ERCC6L2: variants seen among roughly 807,000 people sequenced by gnomAD.
ERCC6L2 encodes DNA excision repair protein ERCC-6-like 2.
A neutral mutation model predicts 132.0 loss-of-function variants in ERCC6L2; 77 were observed. That is an observed-to-expected ratio of 0.58 (90% CI 0.49 to 0.71). The LOEUF is 0.71. Among genes scored for constraint, ERCC6L2 ranks in the 30% least tolerant of loss-of-function variants. The pLI is 0.00. For synonymous variants in ERCC6L2, 583 were observed against 632.4 expected, an observed-to-expected ratio of 0.92 and a Z score of 1.17; for missense variants, 1,542 against 1,837.6, an observed-to-expected ratio of 0.84 and a Z score of 2.94.
At position 96,014,381 on chromosome 9, in the gene ERCC6L2, TAG is replaced by T. The variant is rs2133232422; in HGVS notation, c.*1181_*1182del. 2.0e-5 allele frequency: 3 copies of T among 152,352 alleles called. No homozygotes were observed. In the South Asian group the frequency reaches 6.2e-4, roughly 32 times the overall value. 9.4% of individuals were successfully genotyped at this position (152,352 alleles called of 1,614,324 possible). On this transcript the variant is annotated 3_prime_UTR_variant, in exon 19 of 19. Coordinates refer to ENST00000653738, the MANE Select transcript of ERCC6L2 (RefSeq NM_020207.7). ...AGAGGGCTTCCGTGTACTCAGGATGTAGAGTCATTGCTCAGAAGTGAACAAAA... is the reference window on the plus strand; with the variant it reads ...AGAGGGCTTCCGTGTACTCAGGATGTAGTCATTGCTCAGAAGTGAACAAAA...
chr9:96,036,763 A>ATTATTTTTTTT (rs1564314535), intron 19 of ERCC6L2, among the ~76,000 whole-genome samples: 1 of 137,666 alleles, frequency 7.3e-6, no homozygotes, highest in Admixed American at 7.2e-5. Context: ...TATTATTATT[A>ATTATTTTTTTT]TTTTTATTTA....
chr9:95,981,024 A>G (rs934252492), intron 17 of ERCC6L2, among the ~76,000 whole-genome samples: 1 of 152,198 alleles, frequency 6.6e-6, no homozygotes, highest in Non-Finnish European at 1.5e-5. Flanking sequence ...GTCTGTAGCC[A>G]GTTGCAGACG....
chr9:95,876,841 T>G (rs572624001), intron 1 of ERCC6L2: 20 of 152,208 alleles, frequency 1.3e-4, no homozygotes, highest in Non-Finnish European at 2.6e-4. Context: ...AATTCTGAGG[T>G]CTAGGAATTG....
intron 12 of ERCC6L2, among the ~76,000 whole-genome samples, chr9:95,944,056 A>G (rs1830934892): frequency 6.6e-6 from 1 of 152,216 alleles, no homozygotes. Flanking sequence ...AGAGACTTGA[A>G]GAGATACTTG....
At chr9:95,960,166 C>T (rs1831834456) in intron 13 of ERCC6L2, among the ~76,000 whole-genome samples, 1 of 152,044 alleles carries the variant, frequency 6.6e-6, no homozygotes, top group African/African-American at 2.4e-5. Context: ...AAGAAAGTCC[C>T]TCCTGTTGCC....
chr9:95,972,564 A>G lies in ERCC6L2; in HGVS notation c.2813A>G (p.Lys938Arg). The change falls in exon 16 of 19, where the codon AAA becomes AGA. Residue 938 changes from lysine to arginine, a missense_variant. Coordinates refer to ENST00000653738, the MANE Select transcript of ERCC6L2 (RefSeq NM_020207.7). ...SEDSETEHTV[K>R]TRNNDNSRNT... Reference sequence around the variant, plus strand: ...GATTCTGAAACAGAACACACTGTAAAAACAAGAAATAATGATAATAGTCGA... The same window carrying G: ...GATTCTGAAACAGAACACACTGTAAGAACAAGAAATAATGATAATAGTCGA... 1 of 1,289,666 alleles carries G rather than the reference A, an allele frequency of 7.8e-7. No individual in the cohort carries two copies. Among genetic ancestry groups the G allele is most frequent in the Non-Finnish European group, 1.0e-6 (1 of 988,828 alleles). The allele number at this position is 1,289,666 out of a possible 1,614,324, so 79.9% of individuals were successfully genotyped here. A position where few individuals can be genotyped will look rare whatever the true frequency, so the allele number is the denominator to read the frequency against.
intron 1 of ERCC6L2, among the ~76,000 whole-genome samples, chr9:95,877,522 T>A (rs954165758): frequency 1.3e-5 from 2 of 152,118 alleles, no homozygotes; most frequent in African/African-American, 4.8e-5. Flanking sequence ...ATTTGTGAGA[T>A]TGATAATTTG....
chr9:96,019,177 A>G (rs527338096), downstream of ERCC6L2, among the ~76,000 whole-genome samples: 1 of 152,278 alleles, frequency 6.6e-6, no homozygotes, highest in East Asian at 1.9e-4. Flanking sequence ...ATTTTTTTGT[A>G]AAGTGGGATA....
At chr9:95,927,168 G>A (rs1830136021) in intron 9 of ERCC6L2, among the ~76,000 whole-genome samples, 1 of 151,860 alleles carries the variant, frequency 6.6e-6, no homozygotes, top group Admixed American at 6.6e-5. Flanking sequence ...CTGAGTAGAA[G>A]TTTTTTTTAA....
intron 3 of ERCC6L2, among the ~76,000 whole-genome samples, chr9:95,906,413 A>C (rs1000642063): frequency 4.6e-5 from 7 of 152,134 alleles, no homozygotes; most frequent in Non-Finnish European, 1.0e-4. Flanking sequence ...TTAGGTTGGC[A>C]AGAAGGAATG....
chr9:95,951,879 C>T (rs1345977181), intron 12 of ERCC6L2, among the ~76,000 whole-genome samples: 1 of 151,980 alleles, frequency 6.6e-6, no homozygotes, highest in African/African-American at 2.4e-5. Context: ...AAAGAATTTG[C>T]ACCAATCCAG....
chr9:95,893,242 C>G (rs560113704), intron 2 of ERCC6L2, among the ~76,000 whole-genome samples: 1 of 152,276 alleles, frequency 6.6e-6, no homozygotes, highest in African/African-American at 2.4e-5. Flanking sequence ...TAGCTGATAA[C>G]TACCTAATAC....
chr9:95,980,877 G>A (rs191720076), intron 17 of ERCC6L2, among the ~76,000 whole-genome samples: 8 of 152,222 alleles, frequency 5.3e-5, no homozygotes, highest in Non-Finnish European at 1.2e-4. Flanking sequence ...ACCTCCCACC[G>A]ATGTTACAGT....
intron 13 of ERCC6L2, among the ~76,000 whole-genome samples, chr9:95,960,646 A>C (rs1831857583): frequency 6.6e-6 from 1 of 152,058 alleles, no homozygotes; most frequent in African/African-American, 2.4e-5. Flanking sequence ...CTCCAGAAGG[A>C]GTGTGGTCGT....
rs199761944 is a variant in ERCC6L2 at position 95,981,792 on chromosome 9, G to A, written c.3492+3577G>A. 2.0e-4 allele frequency among the ~76,000 whole-genome samples: 30 copies of A among 152,242 alleles called. No homozygotes were observed. In the East Asian group the frequency reaches 5.0e-3, roughly 25 times the overall value. On this transcript the variant is annotated intron_variant, in intron 17 of 18. Transcript: ENST00000653738. Reference sequence around the variant, plus strand: ...ACCTCCTTTTCTCAGTCAACTGCACGTTTTCAACTTAAGTTTACTTAAAAT... The same window carrying A: ...ACCTCCTTTTCTCAGTCAACTGCACATTTTCAACTTAAGTTTACTTAAAAT...
intron 9 of ERCC6L2, among the ~76,000 whole-genome samples, chr9:95,926,718 A>G (rs1830118042): frequency 6.6e-6 from 1 of 152,282 alleles, no homozygotes; most frequent in African/African-American, 2.4e-5. Context: ...GTCATGATAT[A>G]TTTGTCAAAA....
intron 4 of ERCC6L2, among the ~76,000 whole-genome samples, chr9:95,912,801 G>A (rs1829403774): frequency 6.6e-6 from 1 of 152,034 alleles, no homozygotes; most frequent in African/African-American, 2.4e-5. Context: ...AGTTGTTTTA[G>A]GATATCTCAC....
intron 12 of ERCC6L2, among the ~76,000 whole-genome samples, chr9:95,952,709 G>T (rs553293008): frequency 9.9e-5 from 15 of 152,178 alleles, no homozygotes; most frequent in African/African-American, 3.6e-4. Context: ...GGTGGTACAT[G>T]CCTGTAGTTC....
intron 13 of ERCC6L2, among the ~76,000 whole-genome samples, chr9:95,956,831 G>T (rs79715019): frequency 1.3e-5 from 2 of 152,186 alleles, no homozygotes; most frequent in East Asian, 1.9e-4. Flanking sequence ...GATAAAATTC[G>T]GGTAGGGACA....
Sources: gnomAD v4.1 joint callset for allele counts (sites outside exome capture counted in the v4.1 genomes callset) on GRCh38, gnomAD v4.1.1 for gene constraint, MANE v1.5 for transcripts, NCBI Gene and HGNC (gene_info 2026-07-23, HGNC 2026-07-21) for gene names.